SPIC: variants seen among roughly 807,000 people sequenced by gnomAD.
SPIC encodes the protein Spi-C transcription factor.
In SPIC, 9 loss-of-function variants were observed where a neutral mutation model predicts 16.7. The ratio of observed to expected loss-of-function variants is 0.54; its 90% CI spans 0.33 to 0.94. The LOEUF (loss-of-function observed/expected upper bound fraction) is 0.94. SPIC is among the 40% of genes least tolerant of loss of function. The pLI, the probability that SPIC is intolerant of heterozygous loss-of-function variation, is 0.03. For missense variants in SPIC, 241 were observed against 285.8 expected (o/e 0.84, Z 1.13); for synonymous variants, 97 against 102.9 (o/e 0.94, Z 0.35).
At position 101,486,662 on chromosome 12, in the gene SPIC, A is replaced by C. The variant is rs1307034260; in HGVS notation, c.638A>C (p.Tyr213Ser). The change falls in exon 6 of 6, where the codon TAT becomes TCT. Residue 213 changes from tyrosine to serine, a missense_variant. By Grantham distance (144) the Tyr-to-Ser change is moderately radical. Coordinates refer to ENST00000551346, the MANE Select transcript of SPIC (RefSeq NM_152323.3). ...PSYFLGKEIF[Y>S]SQCVQPDQEY... ...TATTTCCTGGGGAAAGAGATCTTCT[A>C]TTCACAGTGTGTTCAACCTGATCAA... 2.5e-6 allele frequency: 4 copies of C among 1,613,976 alleles called. No individual in the cohort carries two copies. The South Asian group carries it at 4.4e-5, about 18-fold the overall frequency.
intron 3 of SPIC, among the ~76,000 whole-genome samples, chr12:101,478,988 T>G (rs969428746): frequency 2.7e-5 from 4 of 150,510 alleles, no homozygotes; most frequent in African/African-American, 9.7e-5. Context: ...AATACAAAAA[T>G]TAGCCAAGTG....
At chr12:101,479,300 G>GAAAAA (rs3084612) in intron 3 of SPIC, among the ~76,000 whole-genome samples, 2 of 76,844 alleles carry the variant, frequency 2.6e-5, no homozygotes, top group African/African-American at 7.4e-5. Context: ...AAGAAAGAAA[G>GAAAAA]AAAGAAAAAA....
Position 101,479,576 on chromosome 12 carries a change from A to G in SPIC, c.98-6A>G. The G allele has an allele frequency of 1.9e-6, 3 of 1,607,900 alleles. No individual in the cohort carries two copies. The highest frequency in any genetic ancestry group is 2.5e-6 in the Non-Finnish European group (3 of 1,176,828). ...TTTTTAGTTTCTTTCTCTGATTTAA[A>G]ATTAGATTACAGAAATTACCTGGCT... is the stretch of plus-strand genomic sequence containing the variant. On this transcript the variant is annotated splice_polypyrimidine_tract_variant and splice_region_variant and intron_variant, in intron 3 of 5. Transcript: ENST00000551346.
At chr12:101,477,426 G>A (rs1872990454) in intron 2 of SPIC, 132 bp from the exon 3 acceptor site, 3 of 802,160 alleles carry the variant, frequency 3.7e-6, no homozygotes, top group East Asian at 5.2e-5. Context: ...TGACAACAGA[G>A]ACAGCCAACA....
At chr12:101,482,147 G>A (rs946257750) in intron 4 of SPIC, among the ~76,000 whole-genome samples, 24 of 150,826 alleles carry the variant, frequency 1.6e-4, no homozygotes, top group East Asian at 6.1e-4. Flanking sequence ...CAGGAGAATC[G>A]CTTGAAACTG....
intron 2 of SPIC, among the ~76,000 whole-genome samples, chr12:101,477,272 A>G (rs1872986238): frequency 6.6e-6 from 1 of 152,130 alleles, no homozygotes; most frequent in African/African-American, 2.4e-5. Context: ...GTGTGTTTCA[A>G]CTGTGATTGA....
At chr12:101,484,594 G>C (rs976635257) in intron 5 of SPIC, among the ~76,000 whole-genome samples, 1 of 151,258 alleles carries the variant, frequency 6.6e-6, no homozygotes, top group Admixed American at 6.6e-5. Flanking sequence ...ATATATAGTT[G>C]AGGGAGTCTC....
rs1565829971 is a variant in SPIC at position 101,475,943 on chromosome 12, A to AGT, written c.-78+441_-78+442insGT. ...AGAGCCAAGCAGAATTTTGATATTTAATATGTTATGTTGATATATGATGGA... is the reference window on the plus strand; with the variant it reads ...AGAGCCAAGCAGAATTTTGATATTTAGTATATGTTATGTTGATATATGATGGA... On this transcript the variant is annotated intron_variant, in intron 1 of 5. Coordinates refer to ENST00000551346, the MANE Select transcript of SPIC (RefSeq NM_152323.3). Among the ~76,000 whole-genome samples the AGT allele has an allele frequency of 1.3e-4, 19 of 152,000 alleles. No individual in the cohort carries two copies. The South Asian group carries it at 3.9e-3, about 32-fold the overall frequency.
chr12:101,477,731 A>C lies in SPIC; in HGVS notation c.97+80A>C, dbSNP rs540358896. ...ACATACACATATAAGAATAATGATC[A>C]GCTGACCAGGTGCTGTGGCTCACAT... is the stretch of plus-strand genomic sequence containing the variant. On this transcript the variant is annotated intron_variant, in intron 3 of 5. Coordinates refer to ENST00000551346, the MANE Select transcript of SPIC (RefSeq NM_152323.3). 26 of 1,269,214 alleles carry C rather than the reference A, an allele frequency of 2.0e-5. No individual in the cohort carries two copies. In the South Asian group the frequency reaches 2.8e-4, roughly 14 times the overall value. The allele number at this position is 1,269,214 out of a possible 1,614,324, so 78.6% of individuals were successfully genotyped here. A position where few individuals can be genotyped will look rare whatever the true frequency, so the allele number is the denominator to read the frequency against.
chr12:101,482,962 A>G (rs1593493696), intron 5 of SPIC, 62 bp downstream of exon 5: 7 of 1,420,844 alleles, frequency 4.9e-6, no homozygotes, highest in Non-Finnish European at 6.8e-6. Context: ...TAGCTGCTTT[A>G]AAGGGATTTT....
At chr12:101,478,487 T>C (rs1873033864) in intron 3 of SPIC, among the ~76,000 whole-genome samples, 1 of 152,188 alleles carries the variant, frequency 6.6e-6, no homozygotes, top group African/African-American at 2.4e-5. Context: ...GCAAAATATG[T>C]CCAGGAGTAT....
intron 4 of SPIC, among the ~76,000 whole-genome samples, chr12:101,482,540 CTTCT>C (rs1195701370): frequency 1.3e-5 from 2 of 152,110 alleles, no homozygotes; most frequent in East Asian, 3.9e-4. Flanking sequence ...TAAGCAATCC[CTTCT>C]TTCTTGTAGG....
rs1299273879 is a variant in SPIC at position 101,476,229 on chromosome 12, G to A, written c.-77-599G>A. Among the ~76,000 whole-genome samples, 3 of 152,224 alleles carry A rather than the reference G, an allele frequency of 2.0e-5. No homozygotes were observed. In the East Asian group the frequency reaches 5.8e-4, roughly 29 times the overall value. ...GTTAAAAGCATTTAATTGTGGGTCG[G>A]TGTGATAATTGTTTCTCTAAAGCAA... On this transcript the variant is annotated intron_variant, in intron 1 of 5. Transcript: ENST00000551346.
rs760373673 is a variant in SPIC at position 101,486,804 on chromosome 12, C to T, written c.*33C>T. The T allele has an allele frequency of 2.1e-5, 30 of 1,454,948 alleles. 1 individual carries two copies. The South Asian group carries it at 3.0e-4, about 15-fold the overall frequency. The allele number at this position is 1,454,948 out of a possible 1,614,324, so 90.1% of individuals were successfully genotyped here. A position where few individuals can be genotyped will look rare whatever the true frequency, so the allele number is the denominator to read the frequency against. On this transcript the variant is annotated 3_prime_UTR_variant, in exon 6 of 6. Coordinates refer to ENST00000551346, the MANE Select transcript of SPIC (RefSeq NM_152323.3). ...TTCATATTTCATGGTTTACTGGCAT[C>T]GGAAATCTCTACAAGTTTTAATGAT... is the stretch of plus-strand genomic sequence containing the variant.
In SPIC at chr12:101,479,659, A is replaced by G. The variant is rs563631864; in HGVS notation, c.175A>G (p.Thr59Ala). 5.6e-6 allele frequency: 9 copies of G among 1,613,654 alleles called. No individual in the cohort carries two copies. The South Asian group carries it at 6.6e-5, about 12-fold the overall frequency. ...TTCCAGCTGCTATGGAGTGTTGCCT[A>G]CAGAGGAGCCTGTCTATAATTGGAG... ...GNSSCYGVLP[T>A]EEPVYNWRTV... Residue 59 changes from threonine (T) to alanine (A), a missense_variant, in exon 4 of 6, where the codon ACA becomes GCA. Physicochemically the swap from Thr to Ala is moderately conservative, Grantham distance 58. Coordinates refer to ENST00000551346, the MANE Select transcript of SPIC (RefSeq NM_152323.3).
chr12:101,482,761 C>T (rs200715373), intron 4 of SPIC, 31 bp from the exon 5 acceptor site: 3 of 1,582,494 alleles, frequency 1.9e-6, no homozygotes, highest in Middle Eastern at 1.8e-4. Context: ...GGGAAAGTCT[C>T]ACTTAACATC....
At position 101,477,542 on chromosome 12, in the gene SPIC, A is replaced by G; in HGVS notation, c.4-16A>G. On this transcript the variant is annotated splice_polypyrimidine_tract_variant and intron_variant, in intron 2 of 5. Coordinates refer to ENST00000551346, the MANE Select transcript of SPIC (RefSeq NM_152323.3). The stretch of plus-strand genomic sequence containing the variant: ...GGTAATTCGAAAACTCCAGAATTCT[A>G]TCATTGTTCCAACAGACGTGTGTTG... The G allele has an allele frequency of 6.2e-7, 1 of 1,611,800 alleles. No individual in the cohort carries two copies. The highest frequency in any genetic ancestry group is 8.5e-7 in the Non-Finnish European group (1 of 1,177,950).
Position 101,481,385 on chromosome 12 carries a change from C to G in SPIC, c.211-1407C>G, listed in dbSNP as rs192731670. 3.3e-5 allele frequency among the ~76,000 whole-genome samples: 5 copies of G among 152,118 alleles called. No homozygotes were observed. The East Asian group carries it at 9.7e-4, about 29-fold the overall frequency. Reference sequence around the variant, plus strand: ...AATATAAATTTTTTTGTTCTGTTGCCCAGGCCGTAGTGCAATGGCACCATC... The same window carrying G: ...AATATAAATTTTTTTGTTCTGTTGCGCAGGCCGTAGTGCAATGGCACCATC... On this transcript the variant is annotated intron_variant, in intron 4 of 5. Transcript: ENST00000551346.
In SPIC at chr12:101,482,858, C is replaced by G; in HGVS notation, c.277C>G (p.Gln93Glu). ...ATCTCTGCAGAACATAACTGAAAAC[C>G]AGCTGGTACAACCCACTCTTCTCCA... The part of the protein sequence containing the change: ...HQSLQNITEN[Q>E]LVQPTLLQQK... The change falls in exon 5 of 6, where the codon CAG (glutamine) becomes GAG (glutamate). Residue 93 changes from glutamine to glutamate, a missense_variant. Gln to Glu is a conservative substitution (Grantham distance 29). Coordinates refer to ENST00000551346, the MANE Select transcript of SPIC (RefSeq NM_152323.3). 6.2e-7 allele frequency: 1 copy of G among 1,614,040 alleles called. No homozygotes were observed. Among genetic ancestry groups the G allele is most frequent in the Non-Finnish European group, 8.5e-7 (1 of 1,180,008 alleles).
Sources: gnomAD v4.1 joint callset for allele counts (sites outside exome capture counted in the v4.1 genomes callset) on GRCh38, gnomAD v4.1.1 for gene constraint, MANE v1.5 for transcripts, NCBI Gene and HGNC (gene_info 2026-07-23, HGNC 2026-07-21) for gene names.